SLC35D2: variants seen among roughly 807,000 people sequenced by gnomAD.
The protein encoded by SLC35D2 is solute carrier family 35 member D2.
In SLC35D2, 43 loss-of-function variants were observed where a neutral mutation model predicts 41.8. That is an observed-to-expected ratio of 1.03 (90% CI 0.81 to 1.33). The LOEUF is 1.33. SLC35D2 is among the 40% of genes most tolerant of loss of function. SLC35D2 has a pLI of 0.00. For synonymous variants in SLC35D2, 150 were observed against 163.9 expected (o/e 0.92, Z 0.65); for missense variants, 380 against 408.4 (o/e 0.93, Z 0.60).
intron 9 of SLC35D2, among the ~76,000 whole-genome samples, chr9:96,325,872 G>A (rs952306096): frequency 6.6e-6 from 1 of 152,116 alleles, no homozygotes; most frequent in African/African-American, 2.4e-5. Flanking sequence ...GAAGATCACA[G>A]TCACAAACCT....
In SLC35D2 at chr9:96,321,124, C is replaced by A; in HGVS notation, c.*118G>T. ...TAGTTCTCTTTGCATTTTGCAGATG[C>A]TCTCACTTGCCCAGGGGGTGGATGT... On this transcript the variant is annotated 3_prime_UTR_variant, in exon 12 of 12. Transcript: ENST00000253270. 1.4e-6 allele frequency: 1 copy of A among 702,480 alleles called. No individual in the cohort carries two copies. Among genetic ancestry groups the A allele is most frequent in the Non-Finnish European group, 2.5e-6 (1 of 407,398 alleles). 43.5% of individuals were successfully genotyped at this position (702,480 alleles called of 1,614,324 possible).
intron 6 of SLC35D2, among the ~76,000 whole-genome samples, chr9:96,346,090 T>C (rs534331981): frequency 6.6e-6 from 1 of 152,328 alleles, no homozygotes; most frequent in South Asian, 2.1e-4. Context: ...TGCTAGGCCA[T>C]GTCATAATTC....
chr9:96,383,532 C>G lies in SLC35D2; in HGVS notation c.103G>C (p.Gly35Arg). 2 of 1,517,300 alleles carry G rather than the reference C, an allele frequency of 1.3e-6. No homozygotes were observed. Among genetic ancestry groups the G allele is most frequent in the Admixed American group, 2.1e-5 (1 of 48,190 alleles). The allele number at this position is 1,517,300 out of a possible 1,614,324, so 94.0% of individuals were successfully genotyped here. ...VARLLSALFY[G>R]TCSFLIVLVN... Reference sequence around the variant, plus strand: ...AGCACGATGAGGAAGGAGCAGGTCCCGTAGAAGAGCGCCGACAGCAGCCGG... The same window carrying G: ...AGCACGATGAGGAAGGAGCAGGTCCGGTAGAAGAGCGCCGACAGCAGCCGG... The change falls in exon 1 of 12, where the codon GGG becomes CGG. Residue 35 changes from glycine (G) to arginine (R), a missense_variant. By Grantham distance (125) the Gly-to-Arg change is moderately radical. Coordinates refer to ENST00000253270, the MANE Select transcript of SLC35D2 (RefSeq NM_007001.3).
chr9:96,368,687 CAT>C (rs1186612949), intron 1 of SLC35D2, among the ~76,000 whole-genome samples: 9 of 149,312 alleles, frequency 6.0e-5, no homozygotes, highest in Non-Finnish European at 1.2e-4. Context: ...TACACACACA[CAT>C]ATATATATGT....
chr9:96,360,628 C>CAAAAA lies in SLC35D2; in HGVS notation c.280-412_280-408dup, dbSNP rs906000581. Among the ~76,000 whole-genome samples the CAAAAA allele has an allele frequency of 6.2e-3, 98 of 15,692 alleles. 7 individuals carry two copies. The highest frequency in any genetic ancestry group is 0.024 in the African/African-American group (92 of 3,880). 10.3% of individuals were successfully genotyped at this position (15,692 alleles called of 152,430 possible). ...TGGGCAACAGAGCAAGACTTCATCTCAAAAAAAAAAAAAAAAAAAAAAAAA... is the reference window on the plus strand; with the variant it reads ...TGGGCAACAGAGCAAGACTTCATCTCAAAAAAAAAAAAAAAAAAAAAAAAAAAAAA... On this transcript the variant is annotated intron_variant, in intron 3 of 11. Coordinates refer to ENST00000253270, the MANE Select transcript of SLC35D2 (RefSeq NM_007001.3).
intron 4 of SLC35D2, among the ~76,000 whole-genome samples, chr9:96,356,209 C>A (rs1441268656): frequency 6.6e-6 from 1 of 152,200 alleles, no homozygotes; most frequent in Non-Finnish European, 1.5e-5. Flanking sequence ...GAGGCCCTCA[C>A]CAGATGCAGA....
At chr9:96,368,792 T>G (rs1382288941) in intron 1 of SLC35D2, among the ~76,000 whole-genome samples, 1 of 151,072 alleles carries the variant, frequency 6.6e-6, no homozygotes, top group African/African-American at 2.4e-5. Context: ...TGAGATGGAG[T>G]CTCACTCTAT....
intron 4 of SLC35D2, among the ~76,000 whole-genome samples, chr9:96,359,222 T>G (rs1170302342): frequency 4.7e-5 from 7 of 150,008 alleles, no homozygotes; most frequent in Admixed American, 1.3e-4. Flanking sequence ...GAGAATGGCT[T>G]GAACCTGGGA....
At chr9:96,371,883 C>G (rs796674304) in intron 1 of SLC35D2, among the ~76,000 whole-genome samples, 1 of 150,778 alleles carries the variant, frequency 6.6e-6, no homozygotes, top group African/African-American at 2.4e-5. Flanking sequence ...CCCGCCACTA[C>G]GCCCGGCTAA....
chr9:96,348,774 C>G (rs982689857), intron 6 of SLC35D2, among the ~76,000 whole-genome samples: 1 of 152,094 alleles, frequency 6.6e-6, no homozygotes, highest in African/African-American at 2.4e-5. Context: ...CTTTAGGAAC[C>G]CCGATTTACC....
chr9:96,370,973 C>A (rs1052763506), intron 1 of SLC35D2, among the ~76,000 whole-genome samples: 2 of 152,134 alleles, frequency 1.3e-5, no homozygotes, highest in African/African-American at 4.8e-5. Context: ...ATGGCGACTG[C>A]TGAAAATGGA....
intron 4 of SLC35D2, 113 bp from the exon 5 acceptor site, chr9:96,352,222 C>T (rs992625628): frequency 1.7e-6 from 1 of 594,396 alleles, no homozygotes; most frequent in East Asian, 3.1e-5. Context: ...TCAATTTTCA[C>T]ATTTACCATT....
At chr9:96,319,020 T>C (rs1165669801), downstream of SLC35D2, among the ~76,000 whole-genome samples, 3 of 152,086 alleles carry the variant, frequency 2.0e-5, no homozygotes, top group African/African-American at 7.2e-5. Flanking sequence ...TCTAGGCATA[T>C]ATCTAAAAAA....
intron 4 of SLC35D2, among the ~76,000 whole-genome samples, chr9:96,353,604 C>CCAAAG (rs1829902762): frequency 1.3e-5 from 2 of 152,170 alleles, no homozygotes; most frequent in South Asian, 4.1e-4. Flanking sequence ...CCTCAGCCTC[C>CCAAAG]CAAAGTGCTG....
chr9:96,371,635 A>G (rs1485635662), intron 1 of SLC35D2, among the ~76,000 whole-genome samples: 1 of 151,370 alleles, frequency 6.6e-6, no homozygotes, highest in Non-Finnish European at 1.5e-5. Flanking sequence ...TAGTAAAGAA[A>G]TATATATCTT....
chr9:96,351,234 A>T, intron 5 of SLC35D2, 63 bp from the exon 6 acceptor site: 1 of 1,187,152 alleles, frequency 8.4e-7, no homozygotes, highest in Non-Finnish European at 1.2e-6. Context: ...AAATATGATT[A>T]TATTTTTTAA....
At chr9:96,377,205 T>G (rs1830997925) in intron 1 of SLC35D2, among the ~76,000 whole-genome samples, 3 of 151,794 alleles carry the variant, frequency 2.0e-5, no homozygotes, top group Admixed American at 6.6e-5. Flanking sequence ...GTGTTACCGC[T>G]GATCATCCGA....
chr9:96,358,028 C>A (rs1830098183), intron 4 of SLC35D2, among the ~76,000 whole-genome samples: 1 of 143,518 alleles, frequency 7.0e-6, no homozygotes, highest in South Asian at 2.2e-4. Context: ...GACCCTGTCT[C>A]AAAAAATAAT....
intron 5 of SLC35D2, among the ~76,000 whole-genome samples, chr9:96,351,575 A>G (rs1341545837): frequency 1.3e-5 from 2 of 152,150 alleles, no homozygotes; most frequent in Non-Finnish European, 2.9e-5. Flanking sequence ...TCAAGAATCA[A>G]CTTTTTGGAT....
Sources: gnomAD v4.1 joint callset for allele counts (sites outside exome capture counted in the v4.1 genomes callset) on GRCh38, gnomAD v4.1.1 for gene constraint, MANE v1.5 for transcripts, NCBI Gene and HGNC (gene_info 2026-07-23, HGNC 2026-07-21) for gene names.